The following SKAP1 variants were observed in gnomAD, a reference collection of about 807,000 sequenced individuals.
SKAP1 encodes the protein src kinase associated phosphoprotein 1, also known as src kinase-associated phosphoprotein 1.
A neutral mutation model predicts 58.5 loss-of-function variants in SKAP1; 44 were observed. The ratio of observed to expected loss-of-function variants is 0.75; its 90% CI spans 0.59 to 0.97. SKAP1 has a LOEUF of 0.97. Among genes scored for constraint, SKAP1 ranks in the 50% least tolerant of loss-of-function variants. The pLI is 0.00. For synonymous variants in SKAP1, 127 were observed against 149.7 expected (o/e 0.85, Z 1.11); for missense variants, 390 against 435.2 (o/e 0.90, Z 0.92).
At chr17:48,429,934 G>T in intron 1 of SKAP1, 141 bp downstream of exon 1, 1 of 622,410 alleles carries the variant, frequency 1.6e-6, no homozygotes, top group Non-Finnish European at 2.4e-6. Context: ...GCTGGCTCTA[G>T]GGAGTTGAGG....
chr17:48,296,166 G>A (rs1482879601), intron 4 of SKAP1, among the ~76,000 whole-genome samples: 1 of 151,902 alleles, frequency 6.6e-6, no homozygotes, highest in Non-Finnish European at 1.5e-5. Flanking sequence ...AGCCCAGCCT[G>A]TTCCCACTTT....
intron 4 of SKAP1, among the ~76,000 whole-genome samples, chr17:48,313,139 C>T (rs1279166133): frequency 6.4e-4 from 1 of 1,566 alleles, no homozygotes; most frequent in South Asian, 0.016. Flanking sequence ...CTATTGGTGG[C>T]GGGGCGGTGG....
chr17:48,215,761 T>C (rs1264423968), intron 4 of SKAP1, among the ~76,000 whole-genome samples: 2 of 152,194 alleles, frequency 1.3e-5, no homozygotes, highest in Non-Finnish European at 2.9e-5. Flanking sequence ...GCAGTTCAGA[T>C]AATTCTCCAC....
At chr17:48,155,755 G>A (rs920306300) in intron 11 of SKAP1, among the ~76,000 whole-genome samples, 1 of 152,180 alleles carries the variant, frequency 6.6e-6, no homozygotes, top group Non-Finnish European at 1.5e-5. Context: ...TACTCAGGAG[G>A]CTGAGGCAGG....
At chr17:48,185,150 A>G (rs2064431170) in intron 6 of SKAP1, 1 of 270,324 alleles carries the variant, frequency 3.7e-6, no homozygotes, top group Admixed American at 5.4e-5. Flanking sequence ...TTATTACAGC[A>G]GAGAGAGTGT....
At chr17:48,310,944 C>A (rs1234533177) in intron 4 of SKAP1, among the ~76,000 whole-genome samples, 1 of 152,144 alleles carries the variant, frequency 6.6e-6, no homozygotes, top group Non-Finnish European at 1.5e-5. Flanking sequence ...AACTGTGTTG[C>A]CATCTCAGTC....
At chr17:48,356,084 T>G (rs1246762481) in intron 3 of SKAP1, among the ~76,000 whole-genome samples, 1 of 91,256 alleles carries the variant, frequency 1.1e-5, no homozygotes, top group Non-Finnish European at 2.2e-5. Flanking sequence ...TGAGACCTTA[T>G]GTCTACAAAA....
chr17:48,172,556 C>A (rs1176800151), intron 9 of SKAP1, among the ~76,000 whole-genome samples: 4 of 152,224 alleles, frequency 2.6e-5, no homozygotes, highest in Non-Finnish European at 4.4e-5. Context: ...CTCTCACTCA[C>A]ACATATATAC....
chr17:48,362,819 C>T (rs1286686174), intron 3 of SKAP1, among the ~76,000 whole-genome samples: 5 of 152,078 alleles, frequency 3.3e-5, no homozygotes, highest in African/African-American at 1.2e-4. Context: ...TAAGGTATTA[C>T]TATTCACTGA....
At chr17:48,269,984 T>C (rs1258750173) in intron 4 of SKAP1, among the ~76,000 whole-genome samples, 1 of 151,926 alleles carries the variant, frequency 6.6e-6, no homozygotes, top group Non-Finnish European at 1.5e-5. Context: ...TGGTGGCGCA[T>C]GCCTGTAATC....
intron 1 of SKAP1, among the ~76,000 whole-genome samples, chr17:48,405,442 T>C (rs199777591): frequency 8.9e-5 from 7 of 78,328 alleles, no homozygotes; most frequent in Admixed American, 2.8e-4. Context: ...TCTTTCTTTC[T>C]TTCTTTCTTT....
intron 3 of SKAP1, among the ~76,000 whole-genome samples, chr17:48,357,104 T>C (rs1399120117): frequency 6.6e-6 from 1 of 152,192 alleles, no homozygotes; most frequent in African/African-American, 2.4e-5. Flanking sequence ...GGCTGTCTGT[T>C]TGCTATTCCA....
chr17:48,305,332 G>A (rs546231547), intron 4 of SKAP1, among the ~76,000 whole-genome samples: 5 of 152,120 alleles, frequency 3.3e-5, no homozygotes, highest in Non-Finnish European at 7.4e-5. Flanking sequence ...TGACAAGTGT[G>A]AGCCACTGCA....
At chr17:48,427,541 T>C (rs1442230063) in intron 1 of SKAP1, among the ~76,000 whole-genome samples, 1 of 151,832 alleles carries the variant, frequency 6.6e-6, no homozygotes, top group African/African-American at 2.4e-5. Flanking sequence ...TAAACAAAAT[T>C]AATTTTAGGC....
At chr17:48,176,638 A>G (rs962444464) in intron 9 of SKAP1, among the ~76,000 whole-genome samples, 1 of 152,046 alleles carries the variant, frequency 6.6e-6, no homozygotes, top group African/African-American at 2.4e-5. Context: ...TTGAAACCAT[A>G]TTTTCCAGGA....
chr17:48,385,691 C>G (rs774885707), intron 2 of SKAP1, among the ~76,000 whole-genome samples: 3 of 152,138 alleles, frequency 2.0e-5, no homozygotes, highest in Non-Finnish European at 2.9e-5. Flanking sequence ...GCCAACAGCA[C>G]TTTGGGAAAA....
chr17:48,247,584 A>G (rs2065311288), intron 4 of SKAP1, among the ~76,000 whole-genome samples: 1 of 152,232 alleles, frequency 6.6e-6, no homozygotes. Flanking sequence ...GTTTGACTAA[A>G]TATCATTTCA....
intron 1 of SKAP1, among the ~76,000 whole-genome samples, chr17:48,429,461 G>T (rs908322831): frequency 4.6e-5 from 7 of 152,270 alleles, no homozygotes; most frequent in African/African-American, 1.7e-4. Context: ...ACCACAATGG[G>T]GGCACTTCTA....
At chr17:48,347,823 C>CGTTG (rs2144336219) in intron 3 of SKAP1, among the ~76,000 whole-genome samples, 1 of 152,256 alleles carries the variant, frequency 6.6e-6, no homozygotes, top group African/African-American at 2.4e-5. Flanking sequence ...ATATTATCAA[C>CGTTG]ACAATCTAAA....
Sources: allele counts gnomAD v4.1 joint callset (sites outside exome capture counted in the v4.1 genomes callset), GRCh38; gene constraint gnomAD v4.1.1; transcripts MANE v1.5; gene names NCBI Gene and HGNC (gene_info 2026-07-23, HGNC 2026-07-21).